The following VWA8 variants were observed in gnomAD, a reference collection of about 807,000 sequenced individuals.
VWA8 encodes von Willebrand factor A domain containing 8, also known as von Willebrand factor A domain-containing protein 8.
VWA8 carries 221 observed loss-of-function variants against 241.5 expected under a neutral mutation model. The observed-to-expected ratio is 0.91, with a 90% CI of 0.82 to 1.02. The LOEUF (loss-of-function observed/expected upper bound fraction) is 1.02, where lower values mean the gene tolerates loss of function less well. Among genes scored for constraint, VWA8 ranks in the 50% least tolerant of loss-of-function variants. The pLI is 0.00. For synonymous variants in VWA8, 852 were observed against 827.1 expected (o/e 1.03, Z -0.52); for missense variants, 2,322 against 2,328.7 (o/e 1.00, Z 0.06).
At chr13:41,697,829 C>T (rs965395145) in intron 29 of VWA8, among the ~76,000 whole-genome samples, 2 of 152,114 alleles carry the variant, frequency 1.3e-5, no homozygotes, top group African/African-American at 4.8e-5. Context: ...CTTCTCACCA[C>T]CCCCTTCACT....
rs758427074 is a variant in VWA8, at chr13:41,811,361, T to C, written c.1948-21A>G. 7.5e-6 allele frequency: 12 copies of C among 1,592,420 alleles called. No homozygotes were observed. The African/African-American group carries it at 1.5e-4, about 20-fold the overall frequency. On this transcript the variant is annotated intron_variant, in intron 16 of 44. Coordinates refer to ENST00000379310, the MANE Select transcript of VWA8 (RefSeq NM_015058.2). ...TGTGCCTATCAAAAGACAAATACAT[T>C]GTGTTAAGAGTCTTGTTTCAACTTG...
intron 43 of VWA8, among the ~76,000 whole-genome samples, chr13:41,574,772 G>C (rs1011179696): frequency 6.6e-6 from 1 of 152,126 alleles, no homozygotes; most frequent in South Asian, 2.1e-4. Flanking sequence ...AGCCAAATAT[G>C]TGGATGTGGT....
chr13:41,900,949 C>T (rs914131516), intron 4 of VWA8, among the ~76,000 whole-genome samples: 3 of 152,126 alleles, frequency 2.0e-5, no homozygotes, highest in African/African-American at 7.2e-5. Flanking sequence ...CACTGAGCCT[C>T]CATTTCTCTC....
intron 37 of VWA8, among the ~76,000 whole-genome samples, chr13:41,660,780 A>G (rs12864368): frequency 0.022 from 3,357 of 152,260 alleles, 79 homozygotes; most frequent in African/African-American, 0.062. Flanking sequence ...CTTGAACAAC[A>G]TAGAAATTTT....
intron 9 of VWA8, among the ~76,000 whole-genome samples, chr13:41,883,154 C>T (rs915215989): frequency 6.6e-6 from 1 of 152,182 alleles, no homozygotes; most frequent in Admixed American, 6.5e-5. Context: ...CATAACCAAT[C>T]TCCCAATCAC....
At chr13:41,569,679 G>GTGTT (rs973628497) in intron 44 of VWA8, among the ~76,000 whole-genome samples, 1 of 150,052 alleles carries the variant, frequency 6.7e-6, no homozygotes, top group Admixed American at 6.6e-5. Flanking sequence ...ACTTTCACTG[G>GTGTT]TGTTTTATGT....
chr13:41,923,199 A>G (rs2138129511), intron 2 of VWA8, among the ~76,000 whole-genome samples: 1 of 152,012 alleles, frequency 6.6e-6, no homozygotes, highest in East Asian at 1.9e-4. Flanking sequence ...AAAAACAAAC[A>G]CCGCATGTTC....
chr13:41,678,180 G>T (rs1292078685), intron 35 of VWA8, among the ~76,000 whole-genome samples: 4 of 152,164 alleles, frequency 2.6e-5, no homozygotes, highest in African/African-American at 4.8e-5. Flanking sequence ...CCAGGTATGA[G>T]CTGCAGAGCT....
chr13:41,741,551 TATCTCCTTGACAAGGCATAC>T (rs2045569385), intron 21 of VWA8, among the ~76,000 whole-genome samples: 1 of 152,314 alleles, frequency 6.6e-6, no homozygotes, highest in African/African-American at 2.4e-5. Context: ...TTCACATGAG[TATCTCCTTGACAAGGCATAC>T]TGTCTATAGA....
intron 29 of VWA8, 37 bp from the exon 30 acceptor site, chr13:41,693,009 G>GTTT (rs779761063): frequency 2.8e-6 from 3 of 1,057,764 alleles, no homozygotes; most frequent in East Asian, 3.6e-5. Flanking sequence ...CTCAAGATTT[G>GTTT]TTCTTTTTTT....
At chr13:41,836,375 A>G (rs1482963758) in intron 12 of VWA8, among the ~76,000 whole-genome samples, 2 of 152,184 alleles carry the variant, frequency 1.3e-5, no homozygotes, top group Admixed American at 1.3e-4. Flanking sequence ...ACAGCTTCAG[A>G]CTGAAAACAG....
rs891198889 is a variant in VWA8 at position 41,587,670 on chromosome 13, G to T, written c.5113C>A (p.Leu1705Ile). The T allele has an allele frequency of 5.6e-6, 9 of 1,613,912 alleles. No homozygotes were observed. Among genetic ancestry groups the T allele is most frequent in the Admixed American group, 3.3e-5 (2 of 59,992 alleles). ...TTGGGTTTCTGTTGTGGGCTGCCAA[G>T]CTGAGGGAAGGAATAACAGAAAAGC... ...YKRRGELEPQ[L>I]GSPQQKPKRL... The change falls in exon 42 of 45, where the codon CTT (leucine) becomes ATT (isoleucine). Residue 1705 changes from leucine to isoleucine, a missense_variant and splice_region_variant. Transcript: ENST00000379310.
At chr13:41,878,340 G>A (rs137922884) in intron 9 of VWA8, among the ~76,000 whole-genome samples, 1 of 151,862 alleles carries the variant, frequency 6.6e-6, no homozygotes, top group East Asian at 1.9e-4. Context: ...TGAGGTAAAT[G>A]TAGAAACTTA....
intron 17 of VWA8, 127 bp from the exon 18 acceptor site, chr13:41,787,670 A>G (rs1299353136): frequency 2.8e-5 from 18 of 635,000 alleles, no homozygotes; most frequent in Non-Finnish European, 4.4e-5. Context: ...AAGGAAGATC[A>G]GTCTGGATCT....
intron 29 of VWA8, among the ~76,000 whole-genome samples, chr13:41,696,404 C>T (rs1008856492): frequency 6.6e-6 from 1 of 152,134 alleles, no homozygotes; most frequent in Non-Finnish European, 1.5e-5. Context: ...TAGCACTTTG[C>T]TCTTTAAATA....
intron 2 of VWA8, among the ~76,000 whole-genome samples, chr13:41,929,362 T>C (rs895441438): frequency 2.0e-5 from 3 of 152,010 alleles, no homozygotes; most frequent in South Asian, 2.1e-4. Flanking sequence ...TATGTTGCCA[T>C]GGCTGATCTT....
chr13:41,880,660 C>T (rs1874032183), intron 9 of VWA8, among the ~76,000 whole-genome samples: 1 of 152,132 alleles, frequency 6.6e-6, no homozygotes. Flanking sequence ...GAATAGAGGC[C>T]TATGTTCTAT....
chr13:41,920,232 A>G (rs1876452772), intron 2 of VWA8, among the ~76,000 whole-genome samples: 1 of 152,144 alleles, frequency 6.6e-6, no homozygotes, highest in Admixed American at 6.5e-5. Flanking sequence ...TCTAGGTCCC[A>G]AATTGCAGCT....
chr13:41,912,260 TAAC>T, intron 2 of VWA8, 92 bp from the exon 3 acceptor site: 3 of 771,472 alleles, frequency 3.9e-6, no homozygotes, highest in Admixed American at 4.0e-5. Context: ...TATATATATA[TAAC>T]GTATATAAAA....
Sources: allele counts gnomAD v4.1 joint callset (sites outside exome capture counted in the v4.1 genomes callset), GRCh38; gene constraint gnomAD v4.1.1; transcripts MANE v1.5; gene names NCBI Gene and HGNC (gene_info 2026-07-23, HGNC 2026-07-21).